The following SLC5A12 variants were observed in gnomAD, a reference collection of about 807,000 sequenced individuals.
The protein encoded by SLC5A12 is sodium-coupled monocarboxylate transporter 2.
A neutral mutation model predicts 72.7 loss-of-function variants in SLC5A12; 46 were observed. That is an observed-to-expected ratio of 0.63 (90% CI 0.50 to 0.81). The LOEUF is 0.81. Among genes scored for constraint, SLC5A12 ranks in the 30% least tolerant of loss-of-function variants. SLC5A12 has a pLI of 0.00. For synonymous variants in SLC5A12, 275 were observed against 264.4 expected, an observed-to-expected ratio of 1.04 and a Z score of -0.39; for missense variants, 683 against 740.7, an observed-to-expected ratio of 0.92 and a Z score of 0.90.
intron 7 of SLC5A12, among the ~76,000 whole-genome samples, chr11:26,698,083 A>G (rs1854868436): frequency 6.6e-6 from 1 of 151,778 alleles, no homozygotes; most frequent in Non-Finnish European, 1.5e-5. Flanking sequence ...CTTTTAGTAG[A>G]GACGATATTT....
chr11:26,698,605 G>A, intron 6 of SLC5A12, 70 bp from the exon 7 acceptor site: 1 of 1,463,878 alleles, frequency 6.8e-7, no homozygotes, highest in East Asian at 2.3e-5. Context: ...TCATTACCAG[G>A]TACTCAAGGT....
In SLC5A12 at chr11:26,676,368, A is replaced by C. The variant is rs561973013; in HGVS notation, c.1579+2344T>G. ...CTCTGTTTCTAGAAAACAAAAAAAA[A>C]AAAAAAAAAAGAAAACAGGTAGTAG... On this transcript the variant is annotated intron_variant, in intron 13 of 14. Transcript: ENST00000396005. Among the ~76,000 whole-genome samples the C allele has an allele frequency of 1.1e-3, 134 of 125,118 alleles. 2 individuals carry two copies. In the East Asian group the frequency reaches 0.012, roughly 12 times the overall value. 82.1% of individuals were successfully genotyped at this position (125,118 alleles called of 152,430 possible). A position where few individuals can be genotyped will look rare whatever the true frequency, so the allele number is the denominator to read the frequency against.
At position 26,678,773 on chromosome 11, in the gene SLC5A12, G is replaced by T. The variant is rs1854324015; in HGVS notation, c.1518C>A (p.Tyr506Ter). The T allele has an allele frequency of 6.2e-7, 1 of 1,613,264 alleles. No homozygotes were observed. Among genetic ancestry groups the T allele is most frequent in the African/African-American group, 1.3e-5 (1 of 74,854 alleles). The change falls in exon 13 of 15, where the codon TAC (tyrosine) becomes TAA (stop). Residue 506 changes from tyrosine (Y) to a stop codon, truncating the protein, a stop_gained. Transcript: ENST00000396005. LOFTEE classifies it high-confidence loss of function. Reference protein sequence around the residue: ...ADTWYSISYLYYSAVGCLGCI... With the variant: ...ADTWYSISYL Reference sequence around the variant, plus strand: ...ATCCTAAGCAGCCCACTGCACTGTAGTAAAGGTAGGAGATCGAGTACCAGG... The same window carrying T: ...ATCCTAAGCAGCCCACTGCACTGTATTAAAGGTAGGAGATCGAGTACCAGG...
rs775375400 is a variant in SLC5A12, at chr11:26,721,620, T to G, written c.95A>C (p.Glu32Ala). The G allele has an allele frequency of 1.5e-5, 25 of 1,613,932 alleles. No homozygotes were observed. The East Asian group carries it at 5.6e-4, about 36-fold the overall frequency. ...CTCTCGGGAAGTTGCCTTTTTTCTC[T>G]CCTTAATGGCAAAGAACACCCCAAT... ...SGIGVFFAIK[E>A]RKKATSREFL... Residue 32 changes from glutamate to alanine, a missense_variant, in exon 1 of 15, where the codon GAG becomes GCG. By Grantham distance (107) the Glu-to-Ala change is moderately radical. Transcript: ENST00000396005.
intron 6 of SLC5A12, 118 bp from the exon 7 acceptor site, chr11:26,698,653 C>A (rs1854886642): frequency 4.4e-6 from 4 of 917,516 alleles, no homozygotes; most frequent in Non-Finnish European, 6.2e-6. Flanking sequence ...AAATAAAATT[C>A]TATAGCCTTT....
In SLC5A12 at chr11:26,668,438, CCATGGTATGGAT is replaced by C. The variant is rs1401111569; in HGVS notation, c.*2652_*2663del. ...AAACAGCCACAAGTTTAACCCTCTT[CCATGGTATGGAT>C]GGAACTTGTCACTGAACTGTCTTTG... is the stretch of plus-strand genomic sequence containing the variant. On this transcript the variant is annotated 3_prime_UTR_variant, in exon 15 of 15. Coordinates refer to ENST00000396005, the MANE Select transcript of SLC5A12 (RefSeq NM_178498.4). 2 of 152,016 alleles carry C rather than the reference CCATGGTATGGAT, an allele frequency of 1.3e-5. No individual in the cohort carries two copies. The highest frequency in any genetic ancestry group is 4.2e-4 in the South Asian group (2 of 4,818). The allele number at this position is 152,016 out of a possible 1,614,324, so 9.4% of individuals were successfully genotyped here. A position where few individuals can be genotyped will look rare whatever the true frequency, so the allele number is the denominator to read the frequency against.
At chr11:26,690,248 A>C (rs1051153081) in intron 9 of SLC5A12, among the ~76,000 whole-genome samples, 2 of 152,130 alleles carry the variant, frequency 1.3e-5, no homozygotes, top group Non-Finnish European at 2.9e-5. Context: ...AATAGCCAAA[A>C]TTTTTTTGTA....
intron 4 of SLC5A12, chr11:26,709,084 A>T (rs949899791): frequency 2.7e-6 from 1 of 376,600 alleles, no homozygotes; most frequent in Admixed American, 4.2e-5. Flanking sequence ...CTTATTAGGC[A>T]TGATTTTCTT....
At chr11:26,698,666 G>A (rs1328130240) in intron 6 of SLC5A12, 131 bp from the exon 7 acceptor site, 3 of 739,810 alleles carry the variant, frequency 4.1e-6, no homozygotes, top group African/African-American at 3.5e-5. Context: ...TAGCCTTTAA[G>A]AATCACTACA....
intron 1 of SLC5A12, among the ~76,000 whole-genome samples, chr11:26,713,111 T>A (rs1055070313): frequency 1.3e-5 from 2 of 152,080 alleles, no homozygotes; most frequent in African/African-American, 4.8e-5. Flanking sequence ...CCTAATACCA[T>A]CTGTGCCCAC....
chr11:26,708,421 A>G (rs369359550), intron 4 of SLC5A12, among the ~76,000 whole-genome samples: 1 of 152,094 alleles, frequency 6.6e-6, no homozygotes, highest in Admixed American at 6.6e-5. Flanking sequence ...GCAAAGAAAT[A>G]ATGGGATTTG....
At chr11:26,697,133 A>C (rs999032485) in intron 8 of SLC5A12, 31 bp downstream of exon 8, 1 of 1,562,716 alleles carries the variant, frequency 6.4e-7, no homozygotes. Context: ...CCTTTCCATC[A>C]TCATCATCAG....
Position 26,711,304 on chromosome 11 carries a change from C to T in SLC5A12, c.457+3G>A, listed in dbSNP as rs1855222669. The T allele has an allele frequency of 6.2e-7, 1 of 1,611,190 alleles. No homozygotes were observed. Among genetic ancestry groups the T allele is most frequent in the East Asian group, 2.2e-5 (1 of 44,804 alleles). On this transcript the variant is annotated splice_donor_region_variant and intron_variant, in intron 3 of 14. Transcript: ENST00000396005. ...ATATGCCAAGAGAATGCTGATAACT[C>T]ACCTTGATTGAGTGCCAGGGCAGGA...
chr11:26,692,296 A>C, intron 9 of SLC5A12, 193 bp downstream of exon 9: 1 of 567,162 alleles, frequency 1.8e-6, no homozygotes, highest in Non-Finnish European at 3.2e-6. Flanking sequence ...CAGTTAAGGT[A>C]AACTAGCTAG....
intron 7 of SLC5A12, 27 bp downstream of exon 7, chr11:26,698,379 C>T (rs1387105178): frequency 2.8e-5 from 45 of 1,609,192 alleles, no homozygotes; most frequent in Non-Finnish European, 3.5e-5. Context: ...TCCAGACACT[C>T]GCCACTGTCC....
At chr11:26,679,708 A>G (rs1854346508) in intron 12 of SLC5A12, among the ~76,000 whole-genome samples, 1 of 152,190 alleles carries the variant, frequency 6.6e-6, no homozygotes. Flanking sequence ...AACAGAATTC[A>G]GAGTAGAAGG....
intron 3 of SLC5A12, among the ~76,000 whole-genome samples, chr11:26,709,601 T>C (rs1186549573): frequency 6.6e-6 from 1 of 152,124 alleles, no homozygotes; most frequent in Non-Finnish European, 1.5e-5. Flanking sequence ...TAATGTTAAG[T>C]CAAATTGTTC....
intron 2 of SLC5A12, among the ~76,000 whole-genome samples, chr11:26,711,720 A>C (rs964151031): frequency 1.3e-5 from 2 of 152,102 alleles, no homozygotes; most frequent in African/African-American, 4.8e-5. Flanking sequence ...CGACTTCATG[A>C]GGAGCTTTAC....
chr11:26,706,088 C>A, intron 4 of SLC5A12, among the ~76,000 whole-genome samples: 1 of 152,086 alleles, frequency 6.6e-6, no homozygotes, highest in East Asian at 1.9e-4. Flanking sequence ...CCCTGGATGG[C>A]AACAAACACT....
Sources: gnomAD v4.1 joint callset for allele counts (sites outside exome capture counted in the v4.1 genomes callset) on GRCh38, gnomAD v4.1.1 for gene constraint, MANE v1.5 for transcripts, NCBI Gene and HGNC (gene_info 2026-07-23, HGNC 2026-07-21) for gene names.